The following IST1 variants were observed in gnomAD, a reference collection of about 807,000 sequenced individuals.
IST1 encodes the protein IST1 factor associated with ESCRT-III, also known as IST1 homolog.
In IST1, 23 loss-of-function variants were observed where a neutral mutation model predicts 37.0. The observed-to-expected ratio is 0.62, with a 90% confidence interval of 0.45 to 0.88. IST1 has a LOEUF of 0.88. Among genes scored for constraint, IST1 ranks in the 40% least tolerant of loss-of-function variants. The probability of loss-of-function intolerance (pLI) is 0.00; values close to 1 mark genes in which losing one functional copy is unlikely to be tolerated. For missense variants in IST1, 488 were observed against 445.4 expected (o/e 1.10, Z -0.86); for synonymous variants, 180 against 161.7 (o/e 1.11, Z -0.86).
intron 1 of IST1, among the ~76,000 whole-genome samples, chr16:71,902,562 G>A (rs567875120): frequency 2.0e-5 from 3 of 152,252 alleles, no homozygotes; most frequent in Non-Finnish European, 4.4e-5. Flanking sequence ...AAGCCACCGC[G>A]CCCAGCCTAG....
At chr16:71,894,986 C>A, upstream of IST1, 2 of 675,470 alleles carry the variant, frequency 3.0e-6, no homozygotes, top group South Asian at 1.7e-5. Flanking sequence ...AAAGGGCAAC[C>A]GGACGGCTTA....
chr16:71,921,897 G>A (rs1477721714), intron 6 of IST1: 1 of 185,828 alleles, frequency 5.4e-6, no homozygotes, highest in Non-Finnish European at 1.1e-5. Flanking sequence ...CAGCACTTTG[G>A]GAGGCCGAGG....
chr16:71,914,578 T>A (rs1246942911), intron 1 of IST1, among the ~76,000 whole-genome samples: 1 of 152,188 alleles, frequency 6.6e-6, no homozygotes, highest in Non-Finnish European at 1.5e-5. Flanking sequence ...TCCAGATACT[T>A]GATGACATAA....
upstream of IST1, chr16:71,894,883 G>A (rs949346238): frequency 8.2e-6 from 12 of 1,462,446 alleles, no homozygotes; most frequent in African/African-American, 1.5e-4. Context: ...AGTTTTCTCT[G>A]AATACCGAGA....
At chr16:71,897,667 C>A (rs1335514244) in intron 1 of IST1, among the ~76,000 whole-genome samples, 1 of 152,126 alleles carries the variant, frequency 6.6e-6, no homozygotes, top group Non-Finnish European at 1.5e-5. Flanking sequence ...GAGTGGAGGC[C>A]GGGCACGGTG....
chr16:71,911,123 C>A (rs1173391158), intron 1 of IST1, among the ~76,000 whole-genome samples: 1 of 152,114 alleles, frequency 6.6e-6, no homozygotes, highest in Admixed American at 6.6e-5. Context: ...TGCCTATAAT[C>A]TCAGTTACTT....
intron 9 of IST1, among the ~76,000 whole-genome samples, 163 bp downstream of exon 9, chr16:71,924,980 C>A (rs1336326617): frequency 1.3e-5 from 2 of 150,294 alleles, no homozygotes; most frequent in Non-Finnish European, 3.0e-5. Flanking sequence ...TATCCTGCTT[C>A]TAAGTACAAA....
chr16:71,897,453 G>C (rs1329182829), intron 1 of IST1, among the ~76,000 whole-genome samples: 1 of 151,968 alleles, frequency 6.6e-6, no homozygotes, highest in African/African-American at 2.4e-5. Flanking sequence ...TCCATCTCTA[G>C]TTTGTTTGAT....
chr16:71,903,561 T>A (rs1350463472), intron 1 of IST1: 6 of 152,200 alleles, frequency 3.9e-5, no homozygotes, highest in Non-Finnish European at 8.8e-5. Context: ...ATTTGGGTTT[T>A]GTTTTCCTCT....
At chr16:71,900,665 A>G (rs2037087911) in intron 1 of IST1, among the ~76,000 whole-genome samples, 1 of 53,360 alleles carries the variant, frequency 1.9e-5, no homozygotes, top group Non-Finnish European at 3.3e-5. Flanking sequence ...ACTAATAAAG[A>G]TAAGTATATA....
chr16:71,925,497 G>A (rs1010765233), intron 9 of IST1, among the ~76,000 whole-genome samples: 1 of 151,400 alleles, frequency 6.6e-6, no homozygotes, highest in African/African-American at 2.4e-5. Flanking sequence ...TGTATTTTTA[G>A]TAGAGACAGG....
intron 4 of IST1, among the ~76,000 whole-genome samples, chr16:71,917,586 A>T (rs1407923988): frequency 1.3e-5 from 2 of 152,258 alleles, no homozygotes; most frequent in Non-Finnish European, 2.9e-5. Context: ...AGTCTAGCAG[A>T]AGAGACAGAC....
In IST1 at chr16:71,929,452, A is replaced by G; in HGVS notation, c.*1639A>G. On this transcript the variant is annotated 3_prime_UTR_variant, in exon 10 of 10. Transcript: ENST00000378799. ...TTCCTAACTTACAGAATTAAAAACA[A>G]AGTATATTATAATTTTAAAGCTATG... 3.8e-6 allele frequency: 5 copies of G among 1,301,536 alleles called. No homozygotes were observed. The highest frequency in any genetic ancestry group is 5.1e-6 in the Non-Finnish European group (5 of 972,138). The allele number at this position is 1,301,536 out of a possible 1,614,324, so 80.6% of individuals were successfully genotyped here.
chr16:71,920,323 TAAC>T (rs1267957640), intron 4 of IST1, among the ~76,000 whole-genome samples: 1 of 152,232 alleles, frequency 6.6e-6, no homozygotes, highest in East Asian at 1.9e-4. Context: ...GGATACGGCT[TAAC>T]AAAGAGTTAT....
chr16:71,924,384 C>T (rs984765761), intron 8 of IST1: 62 of 375,930 alleles, frequency 1.6e-4, no homozygotes, highest in African/African-American at 4.4e-4. Context: ...CTTAGGCAGG[C>T]GTTCGAGACC....
intron 1 of IST1, among the ~76,000 whole-genome samples, 187 bp downstream of exon 1, chr16:71,895,776 C>G (rs527982303): frequency 5.3e-5 from 8 of 152,336 alleles, no homozygotes; most frequent in Non-Finnish European, 8.8e-5. Flanking sequence ...GGGCCCGCGG[C>G]GCAGGAGGCT....
intron 9 of IST1, 134 bp downstream of exon 9, chr16:71,924,951 G>T: frequency 1.6e-6 from 1 of 628,018 alleles, no homozygotes; most frequent in Non-Finnish European, 2.9e-6. Flanking sequence ...CTTCCCAAAT[G>T]CTAAAATAGA....
upstream of IST1, chr16:71,894,916 A>T: frequency 8.3e-7 from 1 of 1,207,434 alleles, no homozygotes; most frequent in Non-Finnish European, 1.2e-6. Context: ...ATCGCCAGAG[A>T]CTGTGGTGCT....
intron 1 of IST1, among the ~76,000 whole-genome samples, chr16:71,913,569 T>C (rs1417355835): frequency 6.6e-6 from 1 of 152,186 alleles, no homozygotes; most frequent in African/African-American, 2.4e-5. Flanking sequence ...GGTGTGATCT[T>C]GGCTCACCAC....
Sources: allele counts gnomAD v4.1 joint callset (sites outside exome capture counted in the v4.1 genomes callset), GRCh38; gene constraint gnomAD v4.1.1; transcripts MANE v1.5; gene names NCBI Gene and HGNC (gene_info 2026-07-23, HGNC 2026-07-21).